PTPRM: variants seen among roughly 807,000 people sequenced by gnomAD.
PTPRM encodes the protein receptor-type tyrosine-protein phosphatase mu.
A neutral mutation model predicts 186.7 loss-of-function variants in PTPRM; 47 were observed. The observed-to-expected ratio is 0.25, with a 90% CI of 0.20 to 0.32. PTPRM has a LOEUF of 0.32. PTPRM is among the 10% of genes least tolerant of loss of function. PTPRM has a pLI of 1.00. For missense variants in PTPRM, 1,494 were observed against 1,865.0 expected (o/e 0.80, Z 3.66); for synonymous variants, 668 against 674.9 (o/e 0.99, Z 0.16).
chr18:7,703,512 G>A (rs1664984), intron 1 of PTPRM, among the ~76,000 whole-genome samples: 89,478 of 152,020 alleles, frequency 0.59, 27,342 homozygotes, highest in East Asian at 0.99. Flanking sequence ...TGATTTTTGC[G>A]CATTGATTTT....
At chr18:8,398,359 T>C (rs971575854) in intron 32 of PTPRM, among the ~76,000 whole-genome samples, 17 of 152,114 alleles carry the variant, frequency 1.1e-4, no homozygotes, top group African/African-American at 4.1e-4. Flanking sequence ...TCACTGGGCA[T>C]TGATGCAAGA....
At chr18:8,140,719 C>T (rs559315602) in intron 13 of PTPRM, among the ~76,000 whole-genome samples, 2 of 152,198 alleles carry the variant, frequency 1.3e-5, no homozygotes, top group East Asian at 3.9e-4. Context: ...TAAATGGACA[C>T]ATGCAAGTTT....
At chr18:7,871,404 A>G (rs190763735) in intron 2 of PTPRM, among the ~76,000 whole-genome samples, 5 of 152,306 alleles carry the variant, frequency 3.3e-5, no homozygotes, top group Admixed American at 2.0e-4. Context: ...CTGCGGTGCC[A>G]TTCTGTCACT....
chr18:8,261,614 G>A (rs1317613008), intron 19 of PTPRM, among the ~76,000 whole-genome samples: 1 of 152,118 alleles, frequency 6.6e-6, no homozygotes, highest in Admixed American at 6.5e-5. Context: ...GCTTCACTCA[G>A]TCCGCCTGCT....
chr18:7,845,231 C>G (rs2046533756), intron 2 of PTPRM, among the ~76,000 whole-genome samples: 1 of 152,056 alleles, frequency 6.6e-6, no homozygotes, highest in Non-Finnish European at 1.5e-5. Context: ...GTATGCATTC[C>G]AAAATTACTT....
chr18:8,169,570 G>GA (rs1254761717), intron 14 of PTPRM, among the ~76,000 whole-genome samples: 2 of 152,126 alleles, frequency 1.3e-5, no homozygotes, highest in South Asian at 4.2e-4. Flanking sequence ...TAACAAGGAA[G>GA]AAAAAAACCT....
At chr18:8,384,460 A>T (rs2095758713) in intron 29 of PTPRM, 101 bp from the exon 30 acceptor site, 1 of 1,150,042 alleles carries the variant, frequency 8.7e-7, no homozygotes, top group Non-Finnish European at 1.2e-6. Flanking sequence ...CCTATCTCTT[A>T]AAAAAAAAGG....
intron 14 of PTPRM, among the ~76,000 whole-genome samples, chr18:8,211,338 A>G (rs928666156): frequency 6.7e-6 from 1 of 148,516 alleles, no homozygotes; most frequent in Non-Finnish European, 1.5e-5. Flanking sequence ...AAGGTGGAGA[A>G]CCTTGGGGAA....
chr18:7,590,358 C>A (rs1317322328), intron 1 of PTPRM, among the ~76,000 whole-genome samples: 1 of 152,160 alleles, frequency 6.6e-6, no homozygotes, highest in Non-Finnish European at 1.5e-5. Flanking sequence ...TGATCAGTGG[C>A]TGTTCCCAGG....
At chr18:8,383,249 G>A (rs1467942602) in intron 29 of PTPRM, among the ~76,000 whole-genome samples, 1 of 116,590 alleles carries the variant, frequency 8.6e-6, no homozygotes, top group East Asian at 2.8e-4. Flanking sequence ...GGTGAGCCGA[G>A]ATCACACCAC....
chr18:8,288,085 T>A (rs1034183191), intron 19 of PTPRM, among the ~76,000 whole-genome samples: 44 of 152,372 alleles, frequency 2.9e-4, no homozygotes, highest in African/African-American at 1.0e-3. Flanking sequence ...GACCAAGTTT[T>A]ATGTAATAAA....
chr18:8,219,909 T>A (rs971000553), intron 14 of PTPRM, among the ~76,000 whole-genome samples: 93 of 152,166 alleles, frequency 6.1e-4, no homozygotes, highest in African/African-American at 2.2e-3. Flanking sequence ...AAAGAGTATG[T>A]TTAGTCAATC....
At chr18:8,248,974 TGATAACCAAACAA>T (rs1452292998) in intron 17 of PTPRM, among the ~76,000 whole-genome samples, 1 of 152,198 alleles carries the variant, frequency 6.6e-6, no homozygotes, top group Non-Finnish European at 1.5e-5. Context: ...TACCTGGCTG[TGATAACCAAACAA>T]GCATGAGCTG....
intron 11 of PTPRM, among the ~76,000 whole-genome samples, chr18:8,105,252 C>G (rs1457297431): frequency 6.6e-6 from 1 of 152,138 alleles, no homozygotes; most frequent in Non-Finnish European, 1.5e-5. Flanking sequence ...AGATCCCTTA[C>G]TATCACCACC....
At chr18:8,117,188 T>C (rs1024689696) in intron 13 of PTPRM, among the ~76,000 whole-genome samples, 1 of 152,192 alleles carries the variant, frequency 6.6e-6, no homozygotes, top group Non-Finnish European at 1.5e-5. Flanking sequence ...CTTGACTACA[T>C]AGTCAAAACA....
chr18:7,786,309 G>A (rs1356474707), intron 2 of PTPRM, among the ~76,000 whole-genome samples: 1 of 152,214 alleles, frequency 6.6e-6, no homozygotes, highest in Non-Finnish European at 1.5e-5. Context: ...AATTGGATAT[G>A]TGGGGTAGCA....
chr18:7,842,839 T>TA (rs1336393443), intron 2 of PTPRM, among the ~76,000 whole-genome samples: 1 of 85,258 alleles, frequency 1.2e-5, no homozygotes, highest in East Asian at 5.2e-4. Flanking sequence ...TATATATATA[T>TA]ATAGAGAGAG....
chr18:7,943,646 A>G (rs1314261240), intron 5 of PTPRM, among the ~76,000 whole-genome samples: 1 of 152,160 alleles, frequency 6.6e-6, no homozygotes, highest in Non-Finnish European at 1.5e-5. Flanking sequence ...AAGCTCTGGG[A>G]AGAATCTGGT....
intron 1 of PTPRM, among the ~76,000 whole-genome samples, chr18:7,628,098 AG>A (rs2038103962): frequency 6.6e-6 from 1 of 152,196 alleles, no homozygotes; most frequent in South Asian, 2.1e-4. Context: ...GCTTGCAGTG[AG>A]CCGAGATTGC....
Sources: allele counts gnomAD v4.1 joint callset (sites outside exome capture counted in the v4.1 genomes callset), GRCh38; gene constraint gnomAD v4.1.1; transcripts MANE v1.5; gene names NCBI Gene and HGNC (gene_info 2026-07-23, HGNC 2026-07-21).